The following ANKRD9 variants were observed in gnomAD, a reference collection of about 807,000 sequenced individuals.
ANKRD9 encodes the protein ankyrin repeat domain-containing protein 9.
Under a neutral mutation model 19.2 loss-of-function variants are expected in ANKRD9, and 13 were observed. The ratio of observed to expected loss-of-function variants is 0.68; its 90% CI spans 0.44 to 1.08. The LOEUF is 1.08. Ranked by LOEUF, ANKRD9 falls within the 50% of genes least tolerant of loss-of-function variation. The probability of loss-of-function intolerance (pLI) is 0.00; values close to 1 mark genes in which losing one functional copy is unlikely to be tolerated. For missense variants in ANKRD9, 518 were observed against 499.9 expected (o/e 1.04, Z -0.34); for synonymous variants, 278 against 256.8 (o/e 1.08, Z -0.79).
At position 102,505,312 on chromosome 14, in the gene ANKRD9, C is replaced by T. The variant is rs560313163; in HGVS notation, c.*1624G>A. The T allele has an allele frequency of 1.3e-5, 2 of 151,948 alleles. No individual in the cohort carries two copies. Among genetic ancestry groups the T allele is most frequent in the African/African-American group, 4.8e-5 (2 of 41,418 alleles). 9.4% of individuals were successfully genotyped at this position (151,948 alleles called of 1,614,324 possible). A position where few individuals can be genotyped will look rare whatever the true frequency, so the allele number is the denominator to read the frequency against. Reference sequence around the variant, plus strand: ...GCATCTCCAATCTGAGGACCTGCCACCTCCCAGAGGACCGGAGGCCCTGAT... The same window carrying T: ...GCATCTCCAATCTGAGGACCTGCCATCTCCCAGAGGACCGGAGGCCCTGAT... On this transcript the variant is annotated 3_prime_UTR_variant, in exon 4 of 4. Transcript: ENST00000286918.
Position 102,506,932 on chromosome 14 carries a change from G to C in ANKRD9, c.*4C>G, listed in dbSNP as rs1891605136. 6.7e-7 allele frequency: 1 copy of C among 1,494,968 alleles called. No individual in the cohort carries two copies. The highest frequency in any genetic ancestry group is 2.3e-5 in the Admixed American group (1 of 43,894). 92.6% of individuals were successfully genotyped at this position (1,494,968 alleles called of 1,614,324 possible). On this transcript the variant is annotated 3_prime_UTR_variant, in exon 4 of 4. Coordinates refer to ENST00000286918, the MANE Select transcript of ANKRD9 (RefSeq NM_152326.4). ...CAAAATCCAGCGCCTAGGGTGCTCC[G>C]GGCCTAGCCTTTGCCAGTGAGGTCC...
At position 102,507,425 on chromosome 14, in the gene ANKRD9, G is replaced by C; in HGVS notation, c.465C>G (p.Arg155=). 1 of 1,376,202 alleles carries C rather than the reference G, an allele frequency of 7.3e-7. No homozygotes were observed. Among genetic ancestry groups the C allele is most frequent in the Non-Finnish European group, 9.4e-7 (1 of 1,060,726 alleles). 85.2% of individuals were successfully genotyped at this position (1,376,202 alleles called of 1,614,324 possible). The change falls in exon 4 of 4, where the codon CGC becomes CGG. Residue 155 remains arginine (R), a synonymous_variant. Transcript: ENST00000286918. This position sits in a 1 kb window ranked among gnomAD's most constrained non-coding sequence, Gnocchi z 9.2. ...ARVLDRRGCS[R]VEGGGTSLHV... ...GCAGCGACGTGCCACCGCCCTCCACGCGGCTGCAGCCACGCCGGTCCAGCA... is the reference window on the plus strand; with the variant it reads ...GCAGCGACGTGCCACCGCCCTCCACCCGGCTGCAGCCACGCCGGTCCAGCA...
chr14:102,503,332 G>A lies in ANKRD9; in HGVS notation c.*3604C>T, dbSNP rs1305192633. On this transcript the variant is annotated 3_prime_UTR_variant, in exon 4 of 4. Coordinates refer to ENST00000286918, the MANE Select transcript of ANKRD9 (RefSeq NM_152326.4). ...GGAGTCTTGCTCTGTCGCCCAGGCTGGAGTGCAATGGCGCAATCTTGGCTC... is the reference window on the plus strand; with the variant it reads ...GGAGTCTTGCTCTGTCGCCCAGGCTAGAGTGCAATGGCGCAATCTTGGCTC... 2.3e-5 allele frequency: 3 copies of A among 127,806 alleles called. No individual in the cohort carries two copies. The highest frequency in any genetic ancestry group is 3.0e-5 in the African/African-American group (1 of 32,964). The allele number at this position is 127,806 out of a possible 1,614,324, so 7.9% of individuals were successfully genotyped here. A position where few individuals can be genotyped will look rare whatever the true frequency, so the allele number is the denominator to read the frequency against.
rs1298289748 is a variant in ANKRD9, at chr14:102,505,272, C to T, written c.*1664G>A. 1 of 138,326 alleles carries T rather than the reference C, an allele frequency of 7.2e-6. No homozygotes were observed. Among genetic ancestry groups the T allele is most frequent in the Non-Finnish European group, 1.7e-5 (1 of 59,998 alleles). The allele number at this position is 138,326 out of a possible 1,614,324, so 8.6% of individuals were successfully genotyped here. On this transcript the variant is annotated 3_prime_UTR_variant, in exon 4 of 4. Transcript: ENST00000286918. ...TTCCATACCCTCCAAAGGAGAGGCA[C>T]CTCCCCCCCCCATGGCATCTCCAAT...
At position 102,504,431 on chromosome 14, in the gene ANKRD9, C is replaced by A; in HGVS notation, c.*2505G>T. ...GCCGTCTGCCTGGCTGACTCCGGCC[C>A]TCCCAGTCCTGCAAGCTCATGGCCA... On this transcript the variant is annotated 3_prime_UTR_variant, in exon 4 of 4. Coordinates refer to ENST00000286918, the MANE Select transcript of ANKRD9 (RefSeq NM_152326.4). 6.5e-6 allele frequency: 1 copy of A among 154,526 alleles called. No individual in the cohort carries two copies. The allele number at this position is 154,526 out of a possible 1,614,324, so 9.6% of individuals were successfully genotyped here. A position where few individuals can be genotyped will look rare whatever the true frequency, so the allele number is the denominator to read the frequency against.
Position 102,507,494 on chromosome 14 carries a change from G to GATGCGGCGCAGA in ANKRD9, c.384_395dup (p.Arg131_Arg134dup), listed in dbSNP as rs1891645206. The GATGCGGCGCAGA allele has an allele frequency of 4.3e-6, 6 of 1,381,032 alleles. No homozygotes were observed. Among genetic ancestry groups the GATGCGGCGCAGA allele is most frequent in the Non-Finnish European group, 5.6e-6 (6 of 1,065,242 alleles). 85.5% of individuals were successfully genotyped at this position (1,381,032 alleles called of 1,614,324 possible). On this transcript the variant is annotated inframe_insertion, in exon 4 of 4. Coordinates refer to ENST00000286918, the MANE Select transcript of ANKRD9 (RefSeq NM_152326.4). This position sits in a 1 kb window ranked among gnomAD's most constrained non-coding sequence, Gnocchi z 9.2. ...CCGGGAAGTCGCGCAAGGTGCGCAG[G>GATGCGGCGCAGA]ATGCGGCGCAGAATGCCCACGCGGT...
Position 102,508,529 on chromosome 14 carries a change from C to T in ANKRD9, c.-108G>A, listed in dbSNP as rs79267427. ...CGGGGATGTGGGTATATCACAGTCC[C>T]TGGCCGAGCCTCAGCTTTATCTGTA... On this transcript the variant is annotated 5_prime_UTR_variant, in exon 3 of 4. Coordinates refer to ENST00000286918, the MANE Select transcript of ANKRD9 (RefSeq NM_152326.4). This position sits in a 1 kb window ranked among gnomAD's most constrained non-coding sequence, Gnocchi z 6.2. 11 of 152,346 alleles carry T rather than the reference C, an allele frequency of 7.2e-5. No homozygotes were observed. In the East Asian group the frequency reaches 1.9e-3, roughly 27 times the overall value. 9.4% of individuals were successfully genotyped at this position (152,346 alleles called of 1,614,324 possible).
At position 102,506,898 on chromosome 14, in the gene ANKRD9, G is replaced by T; in HGVS notation, c.*38C>A. ...TGCCGGTACAACGCTCTGAAAAATAGTTTTGTCCCAAAATCCAGCGCCTAG... is the reference window on the plus strand; with the variant it reads ...TGCCGGTACAACGCTCTGAAAAATATTTTTGTCCCAAAATCCAGCGCCTAG... On this transcript the variant is annotated 3_prime_UTR_variant, in exon 4 of 4. Coordinates refer to ENST00000286918, the MANE Select transcript of ANKRD9 (RefSeq NM_152326.4). 7.0e-7 allele frequency: 1 copy of T among 1,427,358 alleles called. No individual in the cohort carries two copies. 88.4% of individuals were successfully genotyped at this position (1,427,358 alleles called of 1,614,324 possible). A position where few individuals can be genotyped will look rare whatever the true frequency, so the allele number is the denominator to read the frequency against.
At position 102,503,748 on chromosome 14, in the gene ANKRD9, CAGTTA is replaced by C. The variant is rs1209721561; in HGVS notation, c.*3183_*3187del. On this transcript the variant is annotated 3_prime_UTR_variant, in exon 4 of 4. Transcript: ENST00000286918. Reference sequence around the variant, plus strand: ...CTGCAGAGGGGCAGGGCTCCTCCGGCAGTTACTCACTTCCCTTGAAACAGAAGCTC... The same window carrying C: ...CTGCAGAGGGGCAGGGCTCCTCCGGCCTCACTTCCCTTGAAACAGAAGCTC... The C allele has an allele frequency of 2.6e-5, 4 of 152,168 alleles. No individual in the cohort carries two copies. The highest frequency in any genetic ancestry group is 5.9e-5 in the Non-Finnish European group (4 of 68,036). The allele number at this position is 152,168 out of a possible 1,614,324, so 9.4% of individuals were successfully genotyped here. A position where few individuals can be genotyped will look rare whatever the true frequency, so the allele number is the denominator to read the frequency against.
At chr14:102,509,198 G>A (rs1891711312) in intron 1 of ANKRD9, 1 of 152,296 alleles carries the variant, frequency 6.6e-6, no homozygotes, top group South Asian at 2.1e-4. Context: ...GGGCCTCCGG[G>A]CCCCAGATAT....
At position 102,503,532 on chromosome 14, in the gene ANKRD9, T is replaced by G. The variant is rs1392486474; in HGVS notation, c.*3404A>C. ...CTCCTGACCTCATGATCCACCCACC[T>G]TGGCCTCCCAAAGTGCTGGGATTAC... On this transcript the variant is annotated 3_prime_UTR_variant, in exon 4 of 4. Transcript: ENST00000286918. 3 of 152,162 alleles carry G rather than the reference T, an allele frequency of 2.0e-5. No individual in the cohort carries two copies. Among genetic ancestry groups the G allele is most frequent in the African/African-American group, 7.2e-5 (3 of 41,438 alleles). The allele number at this position is 152,162 out of a possible 1,614,324, so 9.4% of individuals were successfully genotyped here.
rs935795522 is a variant in ANKRD9 at position 102,503,971 on chromosome 14, C to T, written c.*2965G>A. The T allele has an allele frequency of 1.3e-5, 2 of 152,298 alleles. No individual in the cohort carries two copies. The highest frequency in any genetic ancestry group is 6.5e-5 in the Admixed American group (1 of 15,286). 9.4% of individuals were successfully genotyped at this position (152,298 alleles called of 1,614,324 possible). ...AGGTACTATCAGGATGAAGTCAGCA[C>T]GCAGAGCAAGGCCAGCGAGGCCCAG... On this transcript the variant is annotated 3_prime_UTR_variant, in exon 4 of 4. Transcript: ENST00000286918.
Position 102,508,276 on chromosome 14 carries a change from T to C in ANKRD9, c.-54+199A>G, listed in dbSNP as rs568670923. Among the ~76,000 whole-genome samples the C allele has an allele frequency of 1.3e-4, 20 of 152,230 alleles. No homozygotes were observed. In the South Asian group the frequency reaches 3.7e-3, roughly 28 times the overall value. ...CACTGGAAGAGCTTCTGTTCCCACC[T>C]AAGCCAGGTTCATACGACCCCAAAT... is the stretch of plus-strand genomic sequence containing the variant. On this transcript the variant is annotated intron_variant, in intron 3 of 3. Coordinates refer to ENST00000286918, the MANE Select transcript of ANKRD9 (RefSeq NM_152326.4). This position sits in a 1 kb window ranked among gnomAD's most constrained non-coding sequence, Gnocchi z 6.2.
chr14:102,502,596 C>T lies in ANKRD9; in HGVS notation c.*4340G>A, dbSNP rs1348024363. ...AAGTACAATGGGGGAAATGCTTATA[C>T]TACATTAAGGTTAAAAAAATACTAA... On this transcript the variant is annotated 3_prime_UTR_variant, in exon 4 of 4. Transcript: ENST00000286918. 6.6e-6 allele frequency: 1 copy of T among 152,244 alleles called. No homozygotes were observed. Among genetic ancestry groups the T allele is most frequent in the African/African-American group, 2.4e-5 (1 of 41,398 alleles). 9.4% of individuals were successfully genotyped at this position (152,244 alleles called of 1,614,324 possible).
Position 102,509,673 on chromosome 14 carries a change from CGCTCTGAGCCGCCGCG to C in ANKRD9, c.-495_-480del, listed in dbSNP as rs1215055721. The C allele has an allele frequency of 1.4e-5, 2 of 145,782 alleles. No individual in the cohort carries two copies. Among genetic ancestry groups the C allele is most frequent in the African/African-American group, 4.9e-5 (2 of 40,694 alleles). 9.0% of individuals were successfully genotyped at this position (145,782 alleles called of 1,614,324 possible). On this transcript the variant is annotated 5_prime_UTR_variant, in exon 1 of 4. Coordinates refer to ENST00000286918, the MANE Select transcript of ANKRD9 (RefSeq NM_152326.4). ...CCGCCGCCCGCGCCCGCCGCAGCCG[CGCTCTGAGCCGCCGCG>C]GCCGGATCGCAGGGCGGCGGTGCCG...
At position 102,504,447 on chromosome 14, in the gene ANKRD9, C is replaced by G. The variant is rs1384710276; in HGVS notation, c.*2489G>C. On this transcript the variant is annotated 3_prime_UTR_variant, in exon 4 of 4. Transcript: ENST00000286918. The stretch of plus-strand genomic sequence containing the variant: ...ACTCCGGCCCTCCCAGTCCTGCAAG[C>G]TCATGGCCAGGACGATAACGATGAC... 6.5e-6 allele frequency: 1 copy of G among 154,142 alleles called. No individual in the cohort carries two copies. Among genetic ancestry groups the G allele is most frequent in the South Asian group, 2.1e-4 (1 of 4,838 alleles). 9.5% of individuals were successfully genotyped at this position (154,142 alleles called of 1,614,324 possible).
chr14:102,507,213 T>C lies in ANKRD9; in HGVS notation c.677A>G (p.Gln226Arg). The part of the protein sequence containing the change: ...APASAPGEPR[Q>R]RRLLLLDLLA... ...GAGGTCCAGCAGCAGCAGGCGGCGC[T>C]GGCGCGGCTCCCCGGGAGCTGAGGC... The change falls in exon 4 of 4, where the codon CAG (glutamine) becomes CGG (arginine). Residue 226 changes from glutamine (Q) to arginine (R), a missense_variant. Gln to Arg is a conservative substitution (Grantham distance 43). Coordinates refer to ENST00000286918, the MANE Select transcript of ANKRD9 (RefSeq NM_152326.4). The surrounding 1 kb of genome is among the most constrained non-coding windows in gnomAD (Gnocchi z 9.2). 3.9e-6 allele frequency: 5 copies of C among 1,284,840 alleles called. No individual in the cohort carries two copies. The highest frequency in any genetic ancestry group is 4.9e-6 in the Non-Finnish European group (5 of 1,017,952). The allele number at this position is 1,284,840 out of a possible 1,614,324, so 79.6% of individuals were successfully genotyped here.
rs1891487196 is a variant in ANKRD9, at chr14:102,503,078, TG to T, written c.*3857del. 6.6e-6 allele frequency: 1 copy of T among 151,540 alleles called. No homozygotes were observed. Among genetic ancestry groups the T allele is most frequent in the Non-Finnish European group, 1.5e-5 (1 of 67,936 alleles). 9.4% of individuals were successfully genotyped at this position (151,540 alleles called of 1,614,324 possible). On this transcript the variant is annotated 3_prime_UTR_variant, in exon 4 of 4. Transcript: ENST00000286918. Reference sequence around the variant, plus strand: ...AAATACAAAAATTAGCCGGGCGTGGTGGCCAGCGCCTGTAATCCCAGCTACT... The same window carrying T: ...AAATACAAAAATTAGCCGGGCGTGGTGCCAGCGCCTGTAATCCCAGCTACT...
rs1777213034 is a variant in ANKRD9 at position 102,503,000 on chromosome 14, G to T, written c.*3936C>A. 6.6e-6 allele frequency: 1 copy of T among 152,086 alleles called. No homozygotes were observed. The highest frequency in any genetic ancestry group is 2.4e-5 in the African/African-American group (1 of 41,422). 9.4% of individuals were successfully genotyped at this position (152,086 alleles called of 1,614,324 possible). On this transcript the variant is annotated 3_prime_UTR_variant, in exon 4 of 4. Transcript: ENST00000286918. The stretch of plus-strand genomic sequence containing the variant: ...GAGGCTGAGGCGGGCGGATCACAAG[G>T]TCAGGAGTTCGAGACCTGCCTGGCC...
Sources: gnomAD v4.1 joint callset for allele counts (sites outside exome capture counted in the v4.1 genomes callset) on GRCh38, gnomAD v4.1.1 for gene constraint, Gnocchi (gnomAD v3.1) non-coding constraint, MANE v1.5 for transcripts, NCBI Gene and HGNC (gene_info 2026-07-23, HGNC 2026-07-21) for gene names.